The following WIF1 variants were observed in gnomAD, a reference collection of about 807,000 sequenced individuals.
WIF1 encodes the protein Wnt inhibitory factor 1.
In WIF1, 35 loss-of-function variants were observed where a neutral mutation model predicts 53.5. The observed-to-expected ratio is 0.65, with a 90% CI of 0.50 to 0.87. The LOEUF is 0.87. WIF1 is among the 40% of genes least tolerant of loss of function. The probability of loss-of-function intolerance (pLI) is 0.00; values close to 1 mark genes in which losing one functional copy is unlikely to be tolerated. For synonymous variants in WIF1, 171 were observed against 170.4 expected (o/e 1.00, Z -0.03); for missense variants, 467 against 476.8 (o/e 0.98, Z 0.19).
chr12:65,067,512 G>A (rs1015173846), intron 5 of WIF1, among the ~76,000 whole-genome samples, 183 bp downstream of exon 5: 9 of 152,308 alleles, frequency 5.9e-5, no homozygotes, highest in African/African-American at 1.7e-4. Flanking sequence ...TTTCTGAAGC[G>A]GGATGAGTTG....
chr12:65,113,254 G>A (rs1276441918), intron 2 of WIF1, among the ~76,000 whole-genome samples: 1 of 152,158 alleles, frequency 6.6e-6, no homozygotes, highest in Admixed American at 6.5e-5. Context: ...TCCGGCAACA[G>A]GATAAGGGAC....
At chr12:65,054,004 T>C (rs1191674317) in intron 9 of WIF1, 5 of 151,756 alleles carry the variant, frequency 3.3e-5, no homozygotes, top group Non-Finnish European at 7.4e-5. Context: ...TGTGAGTGAT[T>C]TGTTCAGTTT....
At chr12:65,095,057 G>A (rs1883183223) in intron 2 of WIF1, among the ~76,000 whole-genome samples, 1 of 150,918 alleles carries the variant, frequency 6.6e-6, no homozygotes, top group African/African-American at 2.4e-5. Flanking sequence ...CTCAACCTCT[G>A]CAGTGGCTGG....
In WIF1 at chr12:65,075,978, A is replaced by G. The variant is rs375201104; in HGVS notation, c.397+1768T>C. 1.3e-4 allele frequency among the ~76,000 whole-genome samples: 20 copies of G among 152,286 alleles called. No individual in the cohort carries two copies. The East Asian group carries it at 3.3e-3, about 25-fold the overall frequency. ...ACAAGAAAATATTTTCTACCTTAAT[A>G]GGAATAAAAAATACCAAAAGAAGAC... On this transcript the variant is annotated intron_variant, in intron 3 of 9. Transcript: ENST00000286574.
At chr12:65,099,294 G>C (rs185779315) in intron 2 of WIF1, among the ~76,000 whole-genome samples, 206 of 152,272 alleles carry the variant, frequency 1.4e-3, no homozygotes, top group African/African-American at 4.8e-3. Context: ...TACTTAGAGT[G>C]AGCCAATGGG....
intron 2 of WIF1, among the ~76,000 whole-genome samples, chr12:65,100,256 C>T (rs1883262947): frequency 6.6e-6 from 1 of 152,124 alleles, no homozygotes; most frequent in Non-Finnish European, 1.5e-5. Context: ...CAATTATAGT[C>T]ATGCCCATGC....
rs766501559 is a variant in WIF1, at chr12:65,067,714, G to A, written c.615C>T (p.His205=). ...RRICECPDGF[H]GPHCEKALCT... is the part of the protein sequence containing the mutation. ...TCTTACCTTTCTCACAGTGAGGTCC[G>A]TGGAACCCATCAGGACACTCGCAGA... Residue 205 remains histidine, a synonymous_variant, in exon 5 of 10, where the codon CAC becomes CAT. Transcript: ENST00000286574. 5.6e-6 allele frequency: 9 copies of A among 1,613,126 alleles called. No individual in the cohort carries two copies. The highest frequency in any genetic ancestry group is 2.2e-5 in the East Asian group (1 of 44,870).
chr12:65,100,238 C>T (rs765285212), intron 2 of WIF1, among the ~76,000 whole-genome samples: 8 of 152,028 alleles, frequency 5.3e-5, no homozygotes, highest in East Asian at 1.9e-4. Context: ...TGATGGGTCC[C>T]GTGTTCACAA....
rs199906073 is a variant in WIF1, at chr12:65,068,153, C to CT, written c.539-364dup. 3.2e-4 allele frequency among the ~76,000 whole-genome samples: 48 copies of CT among 152,156 alleles called. No homozygotes were observed. The East Asian group carries it at 8.7e-3, about 28-fold the overall frequency. ...AGGGTAAGATGACTTATGGGTACAT[C>CT]TTTAGAGCACTGAAATGCTCCAGAG... On this transcript the variant is annotated intron_variant, in intron 4 of 9. Transcript: ENST00000286574.
chr12:65,090,956 G>A (rs1883113002), intron 2 of WIF1, among the ~76,000 whole-genome samples: 1 of 152,070 alleles, frequency 6.6e-6, no homozygotes, highest in Admixed American at 6.6e-5. Context: ...GATCAACAGA[G>A]GGTCTCTGTA....
intron 2 of WIF1, among the ~76,000 whole-genome samples, chr12:65,117,152 G>T (rs1592407278): frequency 6.6e-6 from 1 of 151,900 alleles, no homozygotes; most frequent in African/African-American, 2.4e-5. Context: ...TTTATAAACA[G>T]CATGATGAGG....
At chr12:65,116,848 G>A (rs1200276747) in intron 2 of WIF1, among the ~76,000 whole-genome samples, 1 of 142,310 alleles carries the variant, frequency 7.0e-6, no homozygotes, top group Admixed American at 7.7e-5. Flanking sequence ...CAGGAGAATC[G>A]TTTGAACCTG....
chr12:65,117,413 C>T (rs1883529084), intron 2 of WIF1, among the ~76,000 whole-genome samples: 1 of 152,104 alleles, frequency 6.6e-6, no homozygotes, highest in Non-Finnish European at 1.5e-5. Flanking sequence ...TTTTTATTTG[C>T]ATTTGTTTGA....
At chr12:65,077,191 G>T (rs1212259758) in intron 3 of WIF1, among the ~76,000 whole-genome samples, 1 of 152,202 alleles carries the variant, frequency 6.6e-6, no homozygotes, top group Non-Finnish European at 1.5e-5. Flanking sequence ...ACGCAAGAGT[G>T]AGTCTGTTGT....
chr12:65,085,427 G>C (rs1883021340), intron 2 of WIF1, among the ~76,000 whole-genome samples: 1 of 152,030 alleles, frequency 6.6e-6, no homozygotes, highest in Admixed American at 6.6e-5. Context: ...TTCCACTTGT[G>C]GTGTCATGTT....
intron 2 of WIF1, among the ~76,000 whole-genome samples, chr12:65,086,785 T>C (rs1177317199): frequency 6.6e-6 from 1 of 151,766 alleles, no homozygotes; most frequent in Admixed American, 6.6e-5. Context: ...TCATTGAGTA[T>C]TCATCTGTAT....
At chr12:65,057,344 G>A (rs565661983) in intron 7 of WIF1, among the ~76,000 whole-genome samples, 1 of 152,254 alleles carries the variant, frequency 6.6e-6, no homozygotes, top group South Asian at 2.1e-4. Context: ...TATTACGAAT[G>A]CTTTTCACAG....
At chr12:65,113,160 C>G (rs2136294985) in intron 2 of WIF1, among the ~76,000 whole-genome samples, 1 of 152,250 alleles carries the variant, frequency 6.6e-6, no homozygotes, top group East Asian at 1.9e-4. Context: ...GGAATGTAAG[C>G]AAGTTACTCA....
intron 2 of WIF1, among the ~76,000 whole-genome samples, chr12:65,117,017 A>T (rs1164970064): frequency 6.6e-6 from 1 of 151,784 alleles, no homozygotes; most frequent in African/African-American, 2.4e-5. Flanking sequence ...CACTTTTATA[A>T]ACTACTTAAT....
Sources: gnomAD v4.1 joint callset for allele counts (sites outside exome capture counted in the v4.1 genomes callset) on GRCh38, gnomAD v4.1.1 for gene constraint, MANE v1.5 for transcripts, NCBI Gene and HGNC (gene_info 2026-07-23, HGNC 2026-07-21) for gene names.